The following DAB1 variants were observed in gnomAD, a reference collection of about 807,000 sequenced individuals.
DAB1 encodes disabled homolog 1.
Under a neutral mutation model 64.6 loss-of-function variants are expected in DAB1, and 15 were observed. The observed-to-expected ratio is 0.23, with a 90% CI of 0.16 to 0.36. The LOEUF is 0.36. DAB1 is among the 10% of genes least tolerant of loss of function. The probability of loss-of-function intolerance (pLI) is 1.00; values close to 1 mark genes in which losing one functional copy is unlikely to be tolerated. For missense variants in DAB1, 596 were observed against 706.7 expected (o/e 0.84, Z 1.78); for synonymous variants, 235 against 251.9 (o/e 0.93, Z 0.64).
chr1:57,076,192 A>G (rs1651972208), intron 4 of DAB1, among the ~76,000 whole-genome samples: 1 of 152,186 alleles, frequency 6.6e-6, no homozygotes, highest in Non-Finnish European at 1.5e-5. Context: ...TTCTGCAGTC[A>G]GTTCCTGGGG....
intron 4 of DAB1, among the ~76,000 whole-genome samples, chr1:58,192,093 G>A (rs1657417874): frequency 6.6e-6 from 1 of 152,186 alleles, no homozygotes; most frequent in Non-Finnish European, 1.5e-5. Flanking sequence ...AAGGAGCTAA[G>A]ACTGCACTTA....
rs146139330 is a variant in DAB1, at chr1:58,238,328, G to A, written n.310-87740C>T. Among the ~76,000 whole-genome samples the A allele has an allele frequency of 4.7e-3, 712 of 152,270 alleles. 4 individuals carry two copies. The highest frequency in any genetic ancestry group is 0.016 in the African/African-American group (677 of 41,554). On this transcript the variant is annotated intron_variant and non_coding_transcript_variant, in intron 4 of 20. Transcript: ENST00000485760. ...AGGAAATGATGCTTCCATCATGAAC[G>A]GTAAATGTGTCAAATGACGCAAGGC...
At chr1:57,601,140 G>A (rs1050248608) in intron 7 of DAB1, among the ~76,000 whole-genome samples, 1 of 152,114 alleles carries the variant, frequency 6.6e-6, no homozygotes, top group Non-Finnish European at 1.5e-5. Flanking sequence ...TTGATGGGGT[G>A]GGAGGCTATC....
chr1:57,053,656 C>A (rs1306638370), intron 9 of DAB1, among the ~76,000 whole-genome samples: 1 of 125,326 alleles, frequency 8.0e-6, no homozygotes, highest in East Asian at 2.3e-4. Context: ...CTCTCTCTCT[C>A]TCTCTATATG....
At chr1:57,213,705 G>A (rs1207118262) in intron 2 of DAB1, among the ~76,000 whole-genome samples, 2 of 152,174 alleles carry the variant, frequency 1.3e-5, no homozygotes, top group African/African-American at 4.8e-5. Context: ...CTACAGGCAG[G>A]TAACCTCTTT....
intron 6 of DAB1, among the ~76,000 whole-genome samples, chr1:57,731,325 G>A (rs537146038): frequency 1.3e-5 from 2 of 152,268 alleles, no homozygotes; most frequent in East Asian, 1.9e-4. Flanking sequence ...AGGGCCTGGG[G>A]GTGGGGAATT....
rs1170734149 is a variant in DAB1, at chr1:57,133,173, TG to T, written c.306+3369del. 2.6e-5 allele frequency among the ~76,000 whole-genome samples: 4 copies of T among 152,330 alleles called. No individual in the cohort carries two copies. The East Asian group carries it at 5.8e-4, about 22-fold the overall frequency. On this transcript the variant is annotated intron_variant, in intron 4 of 14. Coordinates refer to ENST00000371236, the MANE Select transcript of DAB1 (RefSeq NM_001365792.1). Reference sequence around the variant, plus strand: ...TGAATAAGCAAAATTCACGTTTCTGTGGCAACAAGGATGTTGCGACATCTTG... The same window carrying T: ...TGAATAAGCAAAATTCACGTTTCTGTGCAACAAGGATGTTGCGACATCTTG...
intron 5 of DAB1, among the ~76,000 whole-genome samples, chr1:58,113,354 G>A (rs754341571): frequency 5.9e-5 from 9 of 152,156 alleles, no homozygotes; most frequent in East Asian, 1.9e-4. Flanking sequence ...CTGGTGGCTC[G>A]TGATGCCCAG....
chr1:57,287,042 A>C (rs1672371464), intron 2 of DAB1, among the ~76,000 whole-genome samples: 2 of 152,226 alleles, frequency 1.3e-5, no homozygotes, highest in Non-Finnish European at 2.9e-5. Flanking sequence ...CCTAGAAAAT[A>C]ATACATAAAG....
chr1:57,349,319 A>T (rs1027056289), intron 1 of DAB1, among the ~76,000 whole-genome samples: 1 of 152,094 alleles, frequency 6.6e-6, no homozygotes, highest in Non-Finnish European at 1.5e-5. Context: ...GCTTTTGTAA[A>T]ATGCCCACTG....
At chr1:57,336,760 T>A (rs760524679) in intron 1 of DAB1, among the ~76,000 whole-genome samples, 1 of 152,238 alleles carries the variant, frequency 6.6e-6, no homozygotes, top group Non-Finnish European at 1.5e-5. Context: ...CCCTGTTGAT[T>A]ACAGTAATTG....
chr1:58,509,800 G>A (rs1302618357), intron 2 of DAB1, among the ~76,000 whole-genome samples: 2 of 151,714 alleles, frequency 1.3e-5, no homozygotes, highest in East Asian at 3.9e-4. Context: ...AACAAAAGAG[G>A]ACACATTACA....
chr1:57,144,271 C>A (rs1570772954), intron 3 of DAB1, among the ~76,000 whole-genome samples: 1 of 151,910 alleles, frequency 6.6e-6, no homozygotes, highest in East Asian at 1.9e-4. Context: ...CTTGCTAAAC[C>A]ATTTATTTTT....
At chr1:58,500,924 T>C (rs533604175) in intron 3 of DAB1, among the ~76,000 whole-genome samples, 11 of 152,130 alleles carry the variant, frequency 7.2e-5, no homozygotes, top group South Asian at 2.1e-4. Context: ...AAATAAGGTG[T>C]CTCTTTCAAC....
intron 6 of DAB1, among the ~76,000 whole-genome samples, chr1:57,675,385 G>A (rs560240121): frequency 2.6e-5 from 4 of 152,290 alleles, no homozygotes; most frequent in South Asian, 4.1e-4. Flanking sequence ...CTACAGAGTC[G>A]TGATAAAATA....
At chr1:57,166,278 C>T (rs1175316215) in intron 2 of DAB1, among the ~76,000 whole-genome samples, 1 of 152,106 alleles carries the variant, frequency 6.6e-6, no homozygotes, top group East Asian at 1.9e-4. Context: ...TCAAATCCAG[C>T]TCTCCTTGAC....
At chr1:57,218,500 T>G (rs1666594937) in intron 2 of DAB1, among the ~76,000 whole-genome samples, 1 of 115,722 alleles carries the variant, frequency 8.6e-6, no homozygotes, top group Admixed American at 1.2e-4. Context: ...AGCAACATAG[T>G]GAGACCCCCA....
chr1:58,543,475 T>C lies in DAB1; in HGVS notation n.32+3228A>G, dbSNP rs1259860013. On this transcript the variant is annotated intron_variant and non_coding_transcript_variant, in intron 1 of 20. Coordinates refer to the DAB1 transcript ENST00000485760. Reference sequence around the variant, plus strand: ...CCTCCTTCTTATCTCATTCTAGCCTTTCCTGGGCTCTGTGGTCTTATGGTG... The same window carrying C: ...CCTCCTTCTTATCTCATTCTAGCCTCTCCTGGGCTCTGTGGTCTTATGGTG... 2.6e-5 allele frequency among the ~76,000 whole-genome samples: 4 copies of C among 152,178 alleles called. No homozygotes were observed. In the East Asian group the frequency reaches 5.8e-4, roughly 22 times the overall value.
chr1:57,757,174 C>T (rs1479899392), intron 6 of DAB1, among the ~76,000 whole-genome samples: 1 of 137,352 alleles, frequency 7.3e-6, no homozygotes, highest in Non-Finnish European at 1.6e-5. Flanking sequence ...CAGGTGAGGT[C>T]CATGCTGCTG....
Sources: gnomAD v4.1 joint callset for allele counts (sites outside exome capture counted in the v4.1 genomes callset) on GRCh38, gnomAD v4.1.1 for gene constraint, MANE v1.5 for transcripts, NCBI Gene and HGNC (gene_info 2026-07-23, HGNC 2026-07-21) for gene names.